Variants in VCAN observed in about 807,000 individuals in gnomAD.
The protein encoded by VCAN is versican.
A neutral mutation model predicts 245.5 loss-of-function variants in VCAN; 44 were observed. The observed-to-expected ratio is 0.18, with a 90% CI of 0.14 to 0.23. The LOEUF (loss-of-function observed/expected upper bound fraction) is 0.23. Among genes scored for constraint, VCAN ranks in the 10% least tolerant of loss-of-function variants. The pLI is 1.00. For synonymous variants in VCAN, 1,413 were observed against 1,437.0 expected (o/e 0.98, Z 0.38); for missense variants, 3,793 against 4,057.9 (o/e 0.93, Z 1.77).
chr5:83,538,847 A>G lies in VCAN; in HGVS notation c.5844A>G (p.Ile1948Met), dbSNP rs780585492. The G allele has an allele frequency of 5.0e-6, 8 of 1,613,934 alleles. No individual in the cohort carries two copies. The highest frequency in any genetic ancestry group is 5.9e-6 in the Non-Finnish European group (7 of 1,179,978). The change falls in exon 8 of 15, where the codon ATA (isoleucine) becomes ATG (methionine). Residue 1948 changes from isoleucine (I) to methionine (M), a missense_variant. By Grantham distance (10) the Ile-to-Met change is conservative (BLOSUM62 1). Coordinates refer to ENST00000265077, the MANE Select transcript of VCAN (RefSeq NM_004385.5). Reference sequence around the variant, plus strand: ...AATACTCAACAGTGTCTCATCCCATAGCAAAAGAAGAAACGGTAATGATGG... The same window carrying G: ...AATACTCAACAGTGTCTCATCCCATGGCAAAAGAAGAAACGGTAATGATGG... Reference protein sequence around the residue: ...FREYSTVSHPIAKEETVMMEG... With the variant: ...FREYSTVSHPMAKEETVMMEG...
intron 7 of VCAN, chr5:83,536,751 G>A (rs111869381): frequency 6.4e-6 from 2 of 311,562 alleles, no homozygotes; most frequent in African/African-American, 2.1e-5. Context: ...TAAGGACTAT[G>A]TTGTTTTCTT....
Position 83,519,404 on chromosome 5 carries a change from T to C in VCAN, c.1098T>C (p.Ser366=), listed in dbSNP as rs756401315. 6.2e-7 allele frequency: 1 copy of C among 1,614,100 alleles called. No individual in the cohort carries two copies. Among genetic ancestry groups the C allele is most frequent in the Non-Finnish European group, 8.5e-7 (1 of 1,179,936 alleles). ...TCCTCGCAGAAACTGCATCACCCAG[T>C]TTATCCAAAGAACCACAAATGGTTT... is the stretch of plus-strand genomic sequence containing the variant. ...LSILAETASP[S]LSKEPQMVSD... is the part of the protein sequence containing the mutation. Residue 366 remains serine, a synonymous_variant, in exon 7 of 15, where the codon AGT becomes AGC. Coordinates refer to ENST00000265077, the MANE Select transcript of VCAN (RefSeq NM_004385.5).
chr5:83,492,265 G>T (rs746723318), intron 3 of VCAN, among the ~76,000 whole-genome samples: 2 of 152,128 alleles, frequency 1.3e-5, no homozygotes, highest in Non-Finnish European at 1.5e-5. Flanking sequence ...CTTATAACTA[G>T]AAGTCAGGCT....
Position 83,547,940 on chromosome 5 carries a change from T to C in VCAN, c.9380-31T>C, listed in dbSNP as rs190793599. The C allele has an allele frequency of 2.6e-3, 3,784 of 1,477,544 alleles. 8 individuals carry two copies. The highest frequency in any genetic ancestry group is 5.3e-3 in the Middle Eastern group (31 of 5,802). The allele number at this position is 1,477,544 out of a possible 1,614,324, so 91.5% of individuals were successfully genotyped here. A position where few individuals can be genotyped will look rare whatever the true frequency, so the allele number is the denominator to read the frequency against. Reference sequence around the variant, plus strand: ...GGAATTCTTTGATACTTTTTGAAAGTATTTTGTGAGCTTTTACTATTTTGT... The same window carrying C: ...GGAATTCTTTGATACTTTTTGAAAGCATTTTGTGAGCTTTTACTATTTTGT... On this transcript the variant is annotated intron_variant, in intron 9 of 14. Coordinates refer to ENST00000265077, the MANE Select transcript of VCAN (RefSeq NM_004385.5).
chr5:83,504,003 C>T (rs910638383), intron 5 of VCAN, among the ~76,000 whole-genome samples: 1 of 152,168 alleles, frequency 6.6e-6, no homozygotes, highest in Non-Finnish European at 1.5e-5. Flanking sequence ...CAAGAAGCAG[C>T]TTTTCCACTT....
chr5:83,566,337 A>G (rs562036893), intron 12 of VCAN, among the ~76,000 whole-genome samples: 3 of 152,168 alleles, frequency 2.0e-5, no homozygotes, highest in Non-Finnish European at 4.4e-5. Flanking sequence ...ATTAGTGTAC[A>G]TTACATTTTT....
At position 83,541,637 on chromosome 5, in the gene VCAN, A is replaced by G. The variant is rs200031614; in HGVS notation, c.8634A>G (p.Pro2878=). The G allele has an allele frequency of 1.1e-4, 174 of 1,613,872 alleles. No homozygotes were observed. The highest frequency in any genetic ancestry group is 5.8e-4 in the Admixed American group (35 of 59,998). ...TAAATATTGAAGCGACTTTCAAACC[A>G]TCAAGTGAGGAATACCTTCACATAA... ...IHVNIEATFK[P]SSEEYLHITE... is the part of the protein sequence containing the mutation. The change falls in exon 8 of 15, where the codon CCA becomes CCG. Residue 2878 remains proline, a synonymous_variant. Transcript: ENST00000265077.
Position 83,537,142 on chromosome 5 carries a change from A to G in VCAN, c.4139A>G (p.Glu1380Gly), listed in dbSNP as rs1199101508. 6.2e-7 allele frequency: 1 copy of G among 1,613,810 alleles called. No individual in the cohort carries two copies. The highest frequency in any genetic ancestry group is 8.5e-7 in the Non-Finnish European group (1 of 1,179,908). Reference sequence around the variant, plus strand: ...TTACCTGAATTCCCTGACATAATTGAAATAGACCTATACCACAGTGAAGAA... The same window carrying G: ...TTACCTGAATTCCCTGACATAATTGGAATAGACCTATACCACAGTGAAGAA... ...EILPEFPDII[E>G]IDLYHSEENE... The change falls in exon 8 of 15, where the codon GAA (glutamate) becomes GGA (glycine). Residue 1380 changes from glutamate (E) to glycine (G), a missense_variant. Coordinates refer to ENST00000265077, the MANE Select transcript of VCAN (RefSeq NM_004385.5).
At chr5:83,497,828 T>G (rs1745207532) in intron 5 of VCAN, among the ~76,000 whole-genome samples, 1 of 152,226 alleles carries the variant, frequency 6.6e-6, no homozygotes, top group African/African-American at 2.4e-5. Flanking sequence ...TTATTTGGTT[T>G]CCTGATGGTA....
At chr5:83,495,356 GGTGTGGTTC>G (rs2112361620) in intron 5 of VCAN, among the ~76,000 whole-genome samples, 1 of 152,300 alleles carries the variant, frequency 6.6e-6, no homozygotes, top group Admixed American at 6.5e-5. Context: ...AGGGTGCTTA[GGTGTGGTTC>G]TCTAGTATCT....
chr5:83,527,037 C>G (rs964870740), intron 7 of VCAN, among the ~76,000 whole-genome samples: 3 of 152,312 alleles, frequency 2.0e-5, no homozygotes, highest in East Asian at 3.9e-4. Flanking sequence ...GTGATTCTCT[C>G]TCCTGATGAG....
intron 12 of VCAN, among the ~76,000 whole-genome samples, chr5:83,563,750 G>T (rs753820602): frequency 3.2e-4 from 49 of 152,078 alleles, no homozygotes; most frequent in Admixed American, 1.8e-3. Flanking sequence ...AAGAGTTTGC[G>T]CACAAAGAAG....
At chr5:83,535,127 GT>G (rs781625721) in intron 7 of VCAN, among the ~76,000 whole-genome samples, 2 of 151,980 alleles carry the variant, frequency 1.3e-5, no homozygotes, top group Non-Finnish European at 2.9e-5. Flanking sequence ...TTCATTTTAT[GT>G]TTTTATAACA....
In VCAN at chr5:83,541,202, C is replaced by A. The variant is rs769819295; in HGVS notation, c.8199C>A (p.Asp2733Glu). Residue 2733 changes from aspartate to glutamate, a missense_variant, in exon 8 of 15, where the codon GAC becomes GAA. Asp to Glu is a conservative substitution (Grantham distance 45). This residue lies in a region of VCAN where 3,182 missense variants were observed against 3,250.3 expected (regional missense o/e 0.98). Coordinates refer to ENST00000265077, the MANE Select transcript of VCAN (RefSeq NM_004385.5). ...TGTCTGATGGTCAAGCTATTGCAGACCAAAGTGAAATAATACCAACATTGG... is the reference window on the plus strand; with the variant it reads ...TGTCTGATGGTCAAGCTATTGCAGAACAAAGTGAAATAATACCAACATTGG... ...STLSDGQAIA[D>E]QSEIIPTLGQ... 1.9e-6 allele frequency: 3 copies of A among 1,613,778 alleles called. No homozygotes were observed. The African/African-American group carries it at 4.0e-5, about 22-fold the overall frequency.
In VCAN at chr5:83,539,310, GTCA is replaced by G. The variant is rs1561256152; in HGVS notation, c.6308_6310del (p.Val2103_Asn2104delinsAsp). 11 of 1,614,000 alleles carry G rather than the reference GTCA, an allele frequency of 6.8e-6. No homozygotes were observed. The highest frequency in any genetic ancestry group is 9.3e-6 in the Non-Finnish European group (11 of 1,179,968). Reference sequence around the variant, plus strand: ...AGCCAAATTATGGTCTAGGCAAGAAGTCAACCCTGTAAGACAAGAAATTGAAAG... The same window carrying G: ...AGCCAAATTATGGTCTAGGCAAGAAGACCCTGTAAGACAAGAAATTGAAAG... On this transcript the variant is annotated inframe_deletion, in exon 8 of 15. Coordinates refer to ENST00000265077, the MANE Select transcript of VCAN (RefSeq NM_004385.5).
intron 5 of VCAN, among the ~76,000 whole-genome samples, chr5:83,511,413 ACCTAGG>A (rs1745652354): frequency 6.6e-6 from 1 of 151,836 alleles, no homozygotes; most frequent in African/African-American, 2.4e-5. Flanking sequence ...GTGGGAGGCG[ACCTAGG>A]CCTTCCCTAC....
At chr5:83,552,349 G>T (rs1373544236) in intron 10 of VCAN, among the ~76,000 whole-genome samples, 2 of 152,170 alleles carry the variant, frequency 1.3e-5, no homozygotes, top group Non-Finnish European at 2.9e-5. Flanking sequence ...GGAAGGTTTT[G>T]TTGGTGCCTG....
intron 3 of VCAN, among the ~76,000 whole-genome samples, chr5:83,492,533 A>G (rs1363662936): frequency 6.6e-6 from 1 of 152,180 alleles, no homozygotes; most frequent in African/African-American, 2.4e-5. Context: ...AAAAATGGAG[A>G]GACTCTTGTT....
At chr5:83,524,485 G>A (rs1253637940) in intron 7 of VCAN, among the ~76,000 whole-genome samples, 2 of 151,958 alleles carry the variant, frequency 1.3e-5, no homozygotes, top group Admixed American at 1.3e-4. Flanking sequence ...ATGTATCTGT[G>A]GAATAATTAT....
Sources: gnomAD v4.1 joint callset for allele counts (sites outside exome capture counted in the v4.1 genomes callset) on GRCh38, gnomAD v4.1.1 for gene constraint, gnomAD v4.1.1 regional missense constraint, MANE v1.5 for transcripts, NCBI Gene and HGNC (gene_info 2026-07-23, HGNC 2026-07-21) for gene names.